BLTP1: variants seen among roughly 807,000 people sequenced by gnomAD.
BLTP1 encodes the protein fragile site-associated protein.
the BLTP1 span, chr4:122,258,746 G>A: frequency 2.7e-5 from 43 of 1,613,842 alleles, no homozygotes; most frequent in Admixed American, 5.0e-5. Context: ...ACAGCTAACC[G>A]GCCTCCACCT....
At chr4:122,245,234 T>A in the BLTP1 span, 1 of 1,113,994 alleles carries the variant, frequency 9.0e-7, no homozygotes, top group East Asian at 2.4e-5. Flanking sequence ...ACAAGTTAAA[T>A]CAGAATATTT....
At chr4:122,176,058 T>A in the BLTP1 span, 1 of 522,840 alleles carries the variant, frequency 1.9e-6, no homozygotes, top group East Asian at 3.4e-5. Flanking sequence ...TCCCAGCACT[T>A]TGGGAGGCTG....
chr4:122,206,946 ATTAT>A, the BLTP1 span: 1 of 178,010 alleles, frequency 5.6e-6, no homozygotes, highest in Non-Finnish European at 1.1e-5. Flanking sequence ...TTACTGTCAA[ATTAT>A]TTAAATACAT....
At chr4:122,224,014 A>G in the BLTP1 span, 1 of 979,218 alleles carries the variant, frequency 1.0e-6, no homozygotes. Context: ...TCTCTGTAAG[A>G]AAACTCTCCT....
chr4:122,230,118 T>G, the BLTP1 span: 1 of 1,614,152 alleles, frequency 6.2e-7, no homozygotes, highest in South Asian at 1.1e-5. Context: ...AATTTAGGAC[T>G]TATTACTGTT....
chr4:122,216,453 C>A, the BLTP1 span, among the ~76,000 whole-genome samples: 1 of 152,094 alleles, frequency 6.6e-6, no homozygotes. Flanking sequence ...AAATTATGGC[C>A]ATTCTTGCAG....
At chr4:122,231,715 A>G in the BLTP1 span, 1 of 974,646 alleles carries the variant, frequency 1.0e-6, no homozygotes, top group Admixed American at 6.2e-5. Context: ...ATCCCTCTGG[A>G]TTTTATATGG....
At chr4:122,344,540 A>G in the BLTP1 span, 2 of 1,608,248 alleles carry the variant, frequency 1.2e-6, no homozygotes, top group Non-Finnish European at 1.7e-6. Flanking sequence ...CAAAATGGAT[A>G]CTACGTTAAT....
At chr4:122,271,730 A>T in the BLTP1 span, 1 of 1,528,702 alleles carries the variant, frequency 6.5e-7, no homozygotes, top group Non-Finnish European at 8.8e-7. Flanking sequence ...AGCAGGTAAC[A>T]GACATTTTTA....
At chr4:122,159,936 A>G in the BLTP1 span, among the ~76,000 whole-genome samples, 1 of 152,234 alleles carries the variant, frequency 6.6e-6, no homozygotes, top group Non-Finnish European at 1.5e-5. Context: ...TTTGTTGTGT[A>G]TAGAATCCTG....
the BLTP1 span, among the ~76,000 whole-genome samples, chr4:122,316,145 A>G: frequency 2.0e-5 from 3 of 152,188 alleles, no homozygotes; most frequent in Non-Finnish European, 4.4e-5. Flanking sequence ...GAAATGATAC[A>G]TTTTAAAAAT....
chr4:122,338,988 CAG>C, the BLTP1 span, among the ~76,000 whole-genome samples: 1 of 152,026 alleles, frequency 6.6e-6, no homozygotes, highest in Non-Finnish European at 1.5e-5. Context: ...TATATGTAGA[CAG>C]AAATGGAAAT....
At chr4:122,320,410 C>A in the BLTP1 span, among the ~76,000 whole-genome samples, 1 of 152,166 alleles carries the variant, frequency 6.6e-6, no homozygotes, top group Non-Finnish European at 1.5e-5. Context: ...TTTCGACTCT[C>A]AAAGCACTAG....
chr4:122,319,259 T>A, the BLTP1 span, among the ~76,000 whole-genome samples: 30 of 152,004 alleles, frequency 2.0e-4, no homozygotes, highest in Non-Finnish European at 8.8e-5. Flanking sequence ...TTATGCTTAA[T>A]TTGGATTTAA....
chr4:122,350,186 G>A, the BLTP1 span: 1 of 1,446,726 alleles, frequency 6.9e-7, no homozygotes, highest in Admixed American at 2.8e-5. Context: ...TAGCCCACAG[G>A]CTCTTTATCT....
At chr4:122,210,481 A>G in the BLTP1 span, among the ~76,000 whole-genome samples, 4 of 152,136 alleles carry the variant, frequency 2.6e-5, no homozygotes, top group Non-Finnish European at 5.9e-5. Flanking sequence ...GATAGTTTTC[A>G]TAGTTGTTTC....
the BLTP1 span, chr4:122,306,039 G>C: frequency 6.2e-7 from 1 of 1,603,100 alleles, no homozygotes; most frequent in Non-Finnish European, 8.5e-7. Context: ...TGTGGCCTTT[G>C]ATAGAGGTAA....
chr4:122,261,585 T>C, the BLTP1 span: 1 of 984,432 alleles, frequency 1.0e-6, no homozygotes, highest in Non-Finnish European at 1.2e-6. Flanking sequence ...ATTTCAGAGC[T>C]CTCCAGAGAA....
chr4:122,313,688 G>T, the BLTP1 span: 1 of 1,530,536 alleles, frequency 6.5e-7, no homozygotes, highest in Non-Finnish European at 9.0e-7. Context: ...GCAGCAGCTG[G>T]TAGGTTCACA....
Sources: allele counts gnomAD v4.1 joint callset (sites outside exome capture counted in the v4.1 genomes callset), GRCh38; gene constraint gnomAD v4.1.1; transcripts MANE v1.5; gene names NCBI Gene and HGNC (gene_info 2026-07-23, HGNC 2026-07-21).